Variants in CUBN observed in about 807,000 individuals in gnomAD.
CUBN encodes the protein 460 kDa receptor.
Under a neutral mutation model 405.3 loss-of-function variants are expected in CUBN, and 282 were observed. The observed-to-expected ratio is 0.70, with a 90% CI of 0.63 to 0.77. The LOEUF (loss-of-function observed/expected upper bound fraction) is 0.77, where lower values mean the gene tolerates loss of function less well. CUBN is among the 30% of genes least tolerant of loss of function. CUBN has a pLI of 0.00. For missense variants in CUBN, 4,514 were observed against 4,475.2 expected (o/e 1.01, Z -0.25); for synonymous variants, 1,684 against 1,617.0 (o/e 1.04, Z -0.99).
At chr10:16,980,558 G>C (rs927994957) in intron 31 of CUBN, among the ~76,000 whole-genome samples, 3 of 152,100 alleles carry the variant, frequency 2.0e-5, no homozygotes, top group Admixed American at 6.5e-5. Context: ...GGATGAAGCT[G>C]GAAACCATCA....
At chr10:16,915,369 T>G (rs1841854422) in intron 46 of CUBN, among the ~76,000 whole-genome samples, 197 bp from the exon 47 acceptor site, 1 of 151,888 alleles carries the variant, frequency 6.6e-6, no homozygotes, top group South Asian at 2.1e-4. Flanking sequence ...GTGAAAAAAA[T>G]GCAACCAATT....
intron 31 of CUBN, among the ~76,000 whole-genome samples, chr10:16,980,066 G>T (rs559556100): frequency 2.0e-5 from 3 of 152,270 alleles, no homozygotes; most frequent in African/African-American, 7.2e-5. Flanking sequence ...AGACATTTAT[G>T]CAGCCAACAA....
At chr10:16,945,620 T>C (rs557359798) in intron 36 of CUBN, among the ~76,000 whole-genome samples, 1 of 151,922 alleles carries the variant, frequency 6.6e-6, no homozygotes, top group Non-Finnish European at 1.5e-5. Flanking sequence ...ATATAAAAAC[T>C]AGCCTGGGAT....
intron 31 of CUBN, 97 bp from the exon 32 acceptor site, chr10:16,954,645 T>G: frequency 7.6e-7 from 1 of 1,311,302 alleles, no homozygotes; most frequent in Non-Finnish European, 1.1e-6. Context: ...TAGTGGATAA[T>G]CACACGTTTG....
In CUBN at chr10:16,826,742, G is replaced by A. The variant is rs59592617; in HGVS notation, c.10765-1660C>T. 8.3e-3 allele frequency among the ~76,000 whole-genome samples: 1,267 copies of A among 152,122 alleles called. 18 individuals are homozygous for A. The highest frequency in any genetic ancestry group is 0.028 in the African/African-American group (1,166 of 41,472). ...TGGCCGTCACTTCTCTCAGTGACTC[G>A]GTTTATACTTGTTCAGTATAAACCT... On this transcript the variant is annotated intron_variant, in intron 66 of 66. Coordinates refer to ENST00000377833, the MANE Select transcript of CUBN (RefSeq NM_001081.4).
At chr10:17,063,074 C>T (rs1323060319) in intron 22 of CUBN, among the ~76,000 whole-genome samples, 1 of 152,202 alleles carries the variant, frequency 6.6e-6, no homozygotes, top group Non-Finnish European at 1.5e-5. Context: ...CCTGGTGTCA[C>T]CAGCCCAACA....
chr10:16,890,916 T>C (rs1009523233), intron 54 of CUBN, among the ~76,000 whole-genome samples: 7 of 152,164 alleles, frequency 4.6e-5, no homozygotes, highest in African/African-American at 1.7e-4. Context: ...TAGCAGATTG[T>C]GGTCACAGCT....
At chr10:16,984,410 G>A in intron 29 of CUBN, 131 bp from the exon 30 acceptor site, 1 of 893,694 alleles carries the variant, frequency 1.1e-6, no homozygotes. Context: ...AGCCTCCCTG[G>A]GTGGGGATGC....
chr10:17,023,063 A>G (rs1171527248), intron 27 of CUBN, among the ~76,000 whole-genome samples: 5 of 152,222 alleles, frequency 3.3e-5, no homozygotes, highest in Non-Finnish European at 4.4e-5. Flanking sequence ...TGCAAGATTA[A>G]GAAATGTGGC....
At chr10:17,047,165 T>A (rs1316234208) in intron 23 of CUBN, among the ~76,000 whole-genome samples, 2 of 152,202 alleles carry the variant, frequency 1.3e-5, no homozygotes, top group African/African-American at 2.4e-5. Context: ...TTTGCCCACA[T>A]AAAATCTGGA....
intron 21 of CUBN, among the ~76,000 whole-genome samples, chr10:17,066,177 A>G (rs1011025677): frequency 6.6e-5 from 10 of 152,156 alleles, no homozygotes; most frequent in Non-Finnish European, 1.3e-4. Flanking sequence ...GAGGGAATCT[A>G]TTGTCCTTAA....
chr10:17,021,270 A>C (rs997468004), intron 27 of CUBN, among the ~76,000 whole-genome samples: 2 of 152,222 alleles, frequency 1.3e-5, no homozygotes, highest in African/African-American at 4.8e-5. Context: ...TCATTTAATG[A>C]TTTTATCAGC....
chr10:16,869,533 A>G, intron 59 of CUBN, 103 bp downstream of exon 59: 1 of 871,494 alleles, frequency 1.1e-6, no homozygotes. Context: ...GCTTCAAGGA[A>G]AAGCAATCAT....
intron 59 of CUBN, among the ~76,000 whole-genome samples, chr10:16,867,914 A>G (rs1840234026): frequency 6.6e-6 from 1 of 151,602 alleles, no homozygotes; most frequent in Admixed American, 6.6e-5. Context: ...TTGTTAACAC[A>G]ACAATTACCA....
At chr10:16,910,522 T>C (rs569091504) in intron 48 of CUBN, among the ~76,000 whole-genome samples, 2 of 152,274 alleles carry the variant, frequency 1.3e-5, no homozygotes, top group African/African-American at 4.8e-5. Context: ...CCTGTGGATA[T>C]GACATTTGTA....
rs774280435 is a variant in CUBN, at chr10:16,836,305, A to G, written c.10110T>C (p.Thr3370=). Residue 3370 remains threonine (T), a synonymous_variant, in exon 63 of 67, where the codon ACT becomes ACC. Coordinates refer to ENST00000377833, the MANE Select transcript of CUBN (RefSeq NM_001081.4). ...CTCCAGATTTGAAAATGACCATTGCAGTACTCATAGAAGAATAAAACACTG... is the reference window on the plus strand; with the variant it reads ...CTCCAGATTTGAAAATGACCATTGCGGTACTCATAGAAGAATAAAACACTG... ...AVPVFYSSMS[T]AMVIFKSGVV... is the part of the protein sequence containing the mutation. 1.2e-6 allele frequency: 2 copies of G among 1,613,484 alleles called. No homozygotes were observed. Among genetic ancestry groups the G allele is most frequent in the Admixed American group, 1.7e-5 (1 of 60,034 alleles).
intron 8 of CUBN, among the ~76,000 whole-genome samples, chr10:17,111,521 C>T (rs1334729773): frequency 6.6e-6 from 1 of 152,194 alleles, no homozygotes; most frequent in African/African-American, 2.4e-5. Flanking sequence ...CCTTATGACT[C>T]ATCTTTGTGA....
chr10:17,103,189 C>G lies in CUBN; in HGVS notation c.1466G>C (p.Ser489Thr). 1 of 1,613,942 alleles carries G rather than the reference C, an allele frequency of 6.2e-7. No individual in the cohort carries two copies. The highest frequency in any genetic ancestry group is 8.5e-7 in the Non-Finnish European group (1 of 1,179,886). ...SGINGSFSYR[S>T]PDVGYVHDVN... ...ATCATGAACATAACCAACATCCGGG[C>G]TCCTGTAGCTGAAGCTTCCATTTAT... Residue 489 changes from serine to threonine, a missense_variant, in exon 13 of 67, where the codon AGC becomes ACC. Around this residue, in one of 5 missense-constraint regions of CUBN, gnomAD observed 1,448 missense variants for 1,388.0 expected, o/e 1.04. Transcript: ENST00000377833.
At chr10:17,052,231 A>G (rs936602738) in intron 22 of CUBN, among the ~76,000 whole-genome samples, 2 of 152,184 alleles carry the variant, frequency 1.3e-5, no homozygotes, top group Non-Finnish European at 2.9e-5. Context: ...ATTTTTAGAC[A>G]AACAGAAGCT....
Sources: allele counts gnomAD v4.1 joint callset (sites outside exome capture counted in the v4.1 genomes callset), GRCh38; gene constraint gnomAD v4.1.1; regional missense constraint gnomAD v4.1.1; transcripts MANE v1.5; gene names NCBI Gene and HGNC (gene_info 2026-07-23, HGNC 2026-07-21).